KPNA4: variants seen among roughly 807,000 people sequenced by gnomAD.
KPNA4 encodes the protein karyopherin subunit alpha 4, also known as importin subunit alpha-3.
Under a neutral mutation model 71.3 loss-of-function variants are expected in KPNA4, and 13 were observed. The ratio of observed to expected loss-of-function variants is 0.18; its 90% CI spans 0.12 to 0.29. The LOEUF (loss-of-function observed/expected upper bound fraction) is 0.29. Among genes scored for constraint, KPNA4 ranks in the 10% least tolerant of loss-of-function variants. KPNA4 has a pLI of 1.00. For synonymous variants in KPNA4, 189 were observed against 195.2 expected, an observed-to-expected ratio of 0.97 and a Z score of 0.26; for missense variants, 334 against 603.2, an observed-to-expected ratio of 0.55 and a Z score of 4.67.
rs757775746 is a variant in KPNA4 at position 160,514,106 on chromosome 3, C to T, written c.1108G>A (p.Val370Ile). The change falls in exon 13 of 17, where the codon GTA (valine) becomes ATA (isoleucine). Residue 370 changes from valine (V) to isoleucine (I), a missense_variant. By Grantham distance (29) the Val-to-Ile change is conservative. Transcript: ENST00000334256. Reference protein sequence around the residue: ...QVQAVIDANLVPMIIHLLDKG... With the variant: ...QVQAVIDANLIPMIIHLLDKG... Reference sequence around the variant, plus strand: ...TCCAAAAGGTGTATTATCATTGGTACAAGATTGGCATCAATTACTGCCTGT... The same window carrying T: ...TCCAAAAGGTGTATTATCATTGGTATAAGATTGGCATCAATTACTGCCTGT... 3.1e-6 allele frequency: 5 copies of T among 1,587,660 alleles called. No individual in the cohort carries two copies. Among genetic ancestry groups the T allele is most frequent in the Non-Finnish European group, 4.3e-6 (5 of 1,171,340 alleles).
At chr3:160,532,311 C>T (rs917400294) in intron 5 of KPNA4, among the ~76,000 whole-genome samples, 3 of 152,186 alleles carry the variant, frequency 2.0e-5, no homozygotes, top group Non-Finnish European at 2.9e-5. Flanking sequence ...CACTAGGTCA[C>T]AAGAGAGTCA....
At chr3:160,561,978 C>T (rs993597317) in intron 1 of KPNA4, among the ~76,000 whole-genome samples, 1 of 152,200 alleles carries the variant, frequency 6.6e-6, no homozygotes, top group South Asian at 2.1e-4. Context: ...ATGAAAGAAC[C>T]ATAAGACTAA....
chr3:160,535,557 T>G lies in KPNA4; in HGVS notation c.243A>C (p.Ser81=). ...TSLEAIVQNA[S]SDNQGIQLSA... is the part of the protein sequence containing the mutation. ...TTAATTGAATTCCTTGGTTATCACT[T>G]GAAGCATTCTATAAAAAATAAAATA... Residue 81 remains serine, a synonymous_variant, in exon 5 of 17, where the codon TCA becomes TCC. Coordinates refer to ENST00000334256, the MANE Select transcript of KPNA4 (RefSeq NM_002268.5). The G allele has an allele frequency of 6.3e-7, 1 of 1,598,548 alleles. No homozygotes were observed. Among genetic ancestry groups the G allele is most frequent in the Non-Finnish European group, 8.5e-7 (1 of 1,171,726 alleles).
rs551997381 is a variant in KPNA4 at position 160,555,803 on chromosome 3, CTTTTA to C, written c.69+9406_69+9410del. 2.9e-3 allele frequency among the ~76,000 whole-genome samples: 434 copies of C among 151,760 alleles called. 1 individual carries two copies. Among genetic ancestry groups the C allele is most frequent in the African/African-American group, 1.0e-2 (414 of 41,438 alleles). On this transcript the variant is annotated intron_variant, in intron 1 of 16. Coordinates refer to ENST00000334256, the MANE Select transcript of KPNA4 (RefSeq NM_002268.5). ...TAATGGGTATTTGGGTTGTTTCCTT[CTTTTA>C]TTTTATTTATTTAAATTATTTATAT...
At chr3:160,512,570 A>C (rs1168414724) in intron 13 of KPNA4, among the ~76,000 whole-genome samples, 3 of 152,216 alleles carry the variant, frequency 2.0e-5, no homozygotes, top group Non-Finnish European at 4.4e-5. Flanking sequence ...ATAGCTGATA[A>C]AGAAATGCTC....
intron 1 of KPNA4, among the ~76,000 whole-genome samples, chr3:160,559,144 C>T (rs907379167): frequency 6.6e-6 from 1 of 152,096 alleles, no homozygotes; most frequent in East Asian, 1.9e-4. Context: ...TATGGTTATT[C>T]AGACTTAATG....
chr3:160,558,508 A>C (rs1722182438), intron 1 of KPNA4, among the ~76,000 whole-genome samples: 1 of 152,232 alleles, frequency 6.6e-6, no homozygotes, highest in African/African-American at 2.4e-5. Flanking sequence ...ATAATTACTA[A>C]GTGGAGAAAC....
intron 7 of KPNA4, among the ~76,000 whole-genome samples, chr3:160,530,134 CAAAAAAAAAAAAAA>C (rs746257397): frequency 2.6e-5 from 1 of 38,530 alleles, no homozygotes; most frequent in East Asian, 1.0e-3. Context: ...GACTCCATCT[CAAAAAAAAAAAAAA>C]AAAAAAAAAA....
At chr3:160,503,611 A>T (rs180786615) in intron 16 of KPNA4, among the ~76,000 whole-genome samples, 1 of 152,204 alleles carries the variant, frequency 6.6e-6, no homozygotes, top group Non-Finnish European at 1.5e-5. Context: ...ACAAACCTGT[A>T]GTGTACTTCC....
chr3:160,511,101 T>TTTTA (rs1326425602), intron 13 of KPNA4, among the ~76,000 whole-genome samples: 5 of 140,702 alleles, frequency 3.6e-5, no homozygotes, highest in Admixed American at 7.4e-5. Context: ...CAAGCTATTC[T>TTTTA]TTTATTTATT....
chr3:160,530,772 C>T (rs762070094), intron 7 of KPNA4, 83 bp downstream of exon 7: 49 of 878,488 alleles, frequency 5.6e-5, no homozygotes, highest in Non-Finnish European at 8.8e-5. Context: ...ATTTAAATTG[C>T]CATAGTCTTT....
At chr3:160,522,480 C>A (rs952739742) in intron 10 of KPNA4, among the ~76,000 whole-genome samples, 3 of 150,252 alleles carry the variant, frequency 2.0e-5, no homozygotes, top group Admixed American at 6.6e-5. Flanking sequence ...TTTTTTGAGA[C>A]GGAGTCTCGC....
At chr3:160,508,053 G>A in intron 15 of KPNA4, 54 bp downstream of exon 15, 1 of 1,358,464 alleles carries the variant, frequency 7.4e-7, no homozygotes. Context: ...GGCAAATAAA[G>A]GTAGTTACAA....
Position 160,511,888 on chromosome 3 carries a change from A to C in KPNA4, c.1138-2017T>G, listed in dbSNP as rs1050870987. ...TGTAAGAAAAATAAGTAATTATGCT[A>C]ATGTTTTTAGGAAGATTTTCAGCAT... On this transcript the variant is annotated intron_variant, in intron 13 of 16. Coordinates refer to ENST00000334256, the MANE Select transcript of KPNA4 (RefSeq NM_002268.5). Among the ~76,000 whole-genome samples the C allele has an allele frequency of 2.6e-5, 4 of 152,082 alleles. No individual in the cohort carries two copies. In the Middle Eastern group the frequency reaches 0.01, roughly 388 times the overall value.
rs1263972725 is a variant in KPNA4, at chr3:160,496,017, G to T, written c.*6087C>A. 6.6e-6 allele frequency: 1 copy of T among 151,970 alleles called. No homozygotes were observed. Among genetic ancestry groups the T allele is most frequent in the Non-Finnish European group, 1.5e-5 (1 of 68,066 alleles). 9.4% of individuals were successfully genotyped at this position (151,970 alleles called of 1,614,324 possible). On this transcript the variant is annotated 3_prime_UTR_variant, in exon 17 of 17. Coordinates refer to ENST00000334256, the MANE Select transcript of KPNA4 (RefSeq NM_002268.5). ...AAAAGAGTAAAATGGTGGCCAGGCGGTGGCTCACGCCTGCAATCCCAGCAC... is the reference window on the plus strand; with the variant it reads ...AAAAGAGTAAAATGGTGGCCAGGCGTTGGCTCACGCCTGCAATCCCAGCAC...
Position 160,508,218 on chromosome 3 carries a change from T to G in KPNA4, c.1261A>C (p.Thr421Pro). 1 of 1,611,656 alleles carries G rather than the reference T, an allele frequency of 6.2e-7. No homozygotes were observed. The highest frequency in any genetic ancestry group is 8.5e-7 in the Non-Finnish European group (1 of 1,179,122). ...NVIPPFCNLL[T>P]VKDAQVVQVV... is the part of the protein sequence containing the mutation. ...TGCACAACTTGTGCATCTTTTACAG[T>G]CAGCAAGTTGCAAAAAGGTGGGATA... The change falls in exon 15 of 17, where the codon ACT becomes CCT. Residue 421 changes from threonine to proline, a missense_variant. Physicochemically the swap from Thr to Pro is conservative, Grantham distance 38 (BLOSUM62 -1). Transcript: ENST00000334256.
At chr3:160,510,361 A>G (rs1176476242) in intron 13 of KPNA4, among the ~76,000 whole-genome samples, 4 of 151,878 alleles carry the variant, frequency 2.6e-5, no homozygotes, top group Admixed American at 6.6e-5. Flanking sequence ...TCATAATCTC[A>G]TTTTTGAGAA....
At chr3:160,522,551 G>A (rs558705625) in intron 10 of KPNA4, among the ~76,000 whole-genome samples, 7 of 152,030 alleles carry the variant, frequency 4.6e-5, no homozygotes, top group South Asian at 2.1e-4. Flanking sequence ...TCCGCCTCCC[G>A]GGTTCATGCC....
At position 160,508,282 on chromosome 3, in the gene KPNA4, A is replaced by C; in HGVS notation, c.1210-13T>G. 1 of 1,571,156 alleles carries C rather than the reference A, an allele frequency of 6.4e-7. No homozygotes were observed. The highest frequency in any genetic ancestry group is 1.4e-5 in the African/African-American group (1 of 73,570). ...TAAGGTAAGCCACCTGAAGAATAAAAACAACATAAAATAATGCAATATAGG... is the reference window on the plus strand; with the variant it reads ...TAAGGTAAGCCACCTGAAGAATAAACACAACATAAAATAATGCAATATAGG... On this transcript the variant is annotated splice_polypyrimidine_tract_variant and intron_variant, in intron 14 of 16. Coordinates refer to ENST00000334256, the MANE Select transcript of KPNA4 (RefSeq NM_002268.5).
Sources: allele counts gnomAD v4.1 joint callset (sites outside exome capture counted in the v4.1 genomes callset), GRCh38; gene constraint gnomAD v4.1.1; transcripts MANE v1.5; gene names NCBI Gene and HGNC (gene_info 2026-07-23, HGNC 2026-07-21).